SUMF1: variants seen among roughly 807,000 people sequenced by gnomAD.
The protein encoded by SUMF1 is formylglycine-generating enzyme.
A neutral mutation model predicts 47.6 loss-of-function variants in SUMF1; 48 were observed. The observed-to-expected ratio is 1.01, with a 90% CI of 0.80 to 1.28. The LOEUF (loss-of-function observed/expected upper bound fraction) is 1.28. SUMF1 is among the 50% of genes most tolerant of loss of function. The pLI is 0.00. For synonymous variants in SUMF1, 230 were observed against 192.1 expected, an observed-to-expected ratio of 1.20 and a Z score of -1.63; for missense variants, 571 against 485.4, an observed-to-expected ratio of 1.18 and a Z score of -1.66.
intron 8 of SUMF1, among the ~76,000 whole-genome samples, chr3:4,170,318 G>A (rs1315527946): frequency 6.6e-6 from 1 of 152,136 alleles, no homozygotes; most frequent in Non-Finnish European, 1.5e-5. Context: ...ATCACCTGGA[G>A]GCCTTGTTAA....
chr3:4,352,109 C>T (rs1244114654), intron 8 of SUMF1, among the ~76,000 whole-genome samples: 6 of 152,050 alleles, frequency 3.9e-5, no homozygotes, highest in Admixed American at 1.3e-4. Context: ...AGTAATCTCC[C>T]GTCTTCAGTC....
intron 8 of SUMF1, among the ~76,000 whole-genome samples, chr3:4,232,779 C>T (rs542464181): frequency 6.6e-6 from 1 of 152,038 alleles, no homozygotes; most frequent in Non-Finnish European, 1.5e-5. Context: ...TTCTCAGCAC[C>T]TTAGATGTCC....
intron 8 of SUMF1, among the ~76,000 whole-genome samples, chr3:4,105,213 T>C (rs1384657901): frequency 6.6e-6 from 1 of 152,072 alleles, no homozygotes; most frequent in Non-Finnish European, 1.5e-5. Flanking sequence ...AGAATGCTGG[T>C]TTCCAGGGTC....
intron 8 of SUMF1, among the ~76,000 whole-genome samples, chr3:4,373,891 A>G (rs1212450346): frequency 6.6e-6 from 1 of 152,206 alleles, no homozygotes; most frequent in African/African-American, 2.4e-5. Flanking sequence ...AATATTTGAA[A>G]ATCAATGTAA....
intron 8 of SUMF1, among the ~76,000 whole-genome samples, chr3:4,216,216 G>C (rs559900103): frequency 2.0e-5 from 3 of 152,152 alleles, no homozygotes; most frequent in Admixed American, 6.5e-5. Context: ...GAACAGAACA[G>C]AGGCCTCAGA....
chr3:4,129,670 A>G (rs1693739536), intron 8 of SUMF1, among the ~76,000 whole-genome samples: 1 of 152,100 alleles, frequency 6.6e-6, no homozygotes, highest in Non-Finnish European at 1.5e-5. Flanking sequence ...TACCAGGATA[A>G]CTGTGCATTG....
chr3:4,233,912 A>G (rs1696353969), intron 8 of SUMF1, among the ~76,000 whole-genome samples: 2 of 152,180 alleles, frequency 1.3e-5, no homozygotes, highest in African/African-American at 2.4e-5. Flanking sequence ...AGATGCTCCA[A>G]CATTGACCAG....
chr3:4,153,856 T>G (rs1008399010), intron 8 of SUMF1, among the ~76,000 whole-genome samples: 3 of 151,582 alleles, frequency 2.0e-5, no homozygotes, highest in Non-Finnish European at 4.4e-5. Flanking sequence ...AATATATTTT[T>G]AAGTCTGTTA....
intron 8 of SUMF1, among the ~76,000 whole-genome samples, chr3:4,122,309 T>C (rs1693562934): frequency 6.6e-6 from 1 of 152,176 alleles, no homozygotes; most frequent in Non-Finnish European, 1.5e-5. Context: ...AGGTCACATA[T>C]TATATGATTT....
intron 8 of SUMF1, among the ~76,000 whole-genome samples, chr3:4,093,580 A>G (rs1436803334): frequency 6.6e-6 from 1 of 152,154 alleles, no homozygotes; most frequent in Non-Finnish European, 1.5e-5. Flanking sequence ...TTTTCTAGAT[A>G]GAATATTACA....
chr3:4,103,921 G>A (rs1237821263), intron 8 of SUMF1, among the ~76,000 whole-genome samples: 5 of 152,118 alleles, frequency 3.3e-5, no homozygotes, highest in African/African-American at 4.8e-5. Flanking sequence ...TCATTTTGAT[G>A]ATAACACAGA....
chr3:4,353,228 C>T (rs1699542579), intron 8 of SUMF1, among the ~76,000 whole-genome samples: 1 of 152,166 alleles, frequency 6.6e-6, no homozygotes, highest in African/African-American at 2.4e-5. Flanking sequence ...GTGAGACCCT[C>T]ATCTTTACAT....
At chr3:4,047,518 C>A (rs896178041) in intron 9 of SUMF1, among the ~76,000 whole-genome samples, 1 of 152,140 alleles carries the variant, frequency 6.6e-6, no homozygotes, top group Non-Finnish European at 1.5e-5. Flanking sequence ...TTTCTAAATG[C>A]ATTTTCCAAA....
chr3:4,398,616 A>T (rs1701112291), intron 7 of SUMF1, among the ~76,000 whole-genome samples: 1 of 152,182 alleles, frequency 6.6e-6, no homozygotes, highest in Non-Finnish European at 1.5e-5. Context: ...TACAAAAACT[A>T]GCTTGCCAAA....
intron 8 of SUMF1, among the ~76,000 whole-genome samples, chr3:4,185,154 A>G (rs1275853262): frequency 2.0e-5 from 3 of 152,182 alleles, no homozygotes; most frequent in African/African-American, 4.8e-5. Context: ...GAATTTCCCT[A>G]AAGAAATCAT....
At chr3:4,400,694 A>G (rs1198098116) in intron 7 of SUMF1, among the ~76,000 whole-genome samples, 1 of 152,208 alleles carries the variant, frequency 6.6e-6, no homozygotes, top group Non-Finnish European at 1.5e-5. Flanking sequence ...TCCTCAGAAC[A>G]GTTCAATATT....
At chr3:4,335,959 T>TAAAAAAAAAAAAAA (rs1559230744) in intron 8 of SUMF1, among the ~76,000 whole-genome samples, 2 of 6,804 alleles carry the variant, frequency 2.9e-4, no homozygotes, top group African/African-American at 3.0e-3. Flanking sequence ...AGATTCCAAC[T>TAAAAAAAAAAAAAA]CAAAAAAAAA....
intron 8 of SUMF1, among the ~76,000 whole-genome samples, chr3:4,133,661 G>C (rs1024534203): frequency 6.6e-6 from 1 of 152,054 alleles, no homozygotes; most frequent in Non-Finnish European, 1.5e-5. Flanking sequence ...TTTCTCCCGT[G>C]CTGGATGCTT....
chr3:4,246,043 C>T (rs180788602), intron 8 of SUMF1, among the ~76,000 whole-genome samples: 1 of 152,262 alleles, frequency 6.6e-6, no homozygotes, highest in Admixed American at 6.5e-5. Context: ...AGCAAGGCTC[C>T]GTGGGTGTGG....
Sources: allele counts gnomAD v4.1 joint callset (sites outside exome capture counted in the v4.1 genomes callset), GRCh38; gene constraint gnomAD v4.1.1; transcripts MANE v1.5; gene names NCBI Gene and HGNC (gene_info 2026-07-23, HGNC 2026-07-21).